Variants in JARID2 observed in about 807,000 individuals in gnomAD.
JARID2 encodes jumonji and AT-rich interaction domain containing 2, also known as protein Jumonji.
A neutral mutation model predicts 125.6 loss-of-function variants in JARID2; 21 were observed. That is an observed-to-expected ratio of 0.17 (90% CI 0.12 to 0.24). JARID2 has a LOEUF of 0.24. Among genes scored for constraint, JARID2 ranks in the 10% least tolerant of loss-of-function variants. JARID2 has a pLI of 1.00. For missense variants in JARID2, 1,303 were observed against 1,639.6 expected (o/e 0.79, Z 3.55); for synonymous variants, 736 against 661.6 (o/e 1.11, Z -1.73).
At chr6:15,467,941 CTTTA>C (rs1768821202) in intron 4 of JARID2, among the ~76,000 whole-genome samples, 1 of 152,036 alleles carries the variant, frequency 6.6e-6, no homozygotes, top group African/African-American at 2.4e-5. Flanking sequence ...AGGTTTATTT[CTTTA>C]TTTTTTATTT....
chr6:15,370,330 GTTTTT>G (rs33981169), intron 1 of JARID2, among the ~76,000 whole-genome samples: 29 of 114,260 alleles, frequency 2.5e-4, no homozygotes, highest in African/African-American at 7.2e-4. Flanking sequence ...TATCTGGGCT[GTTTTT>G]TTTTTTTTTT....
At chr6:15,322,474 TGTGCTTTTAA>T (rs1416976138) in intron 1 of JARID2, among the ~76,000 whole-genome samples, 1 of 152,234 alleles carries the variant, frequency 6.6e-6, no homozygotes, top group Admixed American at 6.5e-5. Context: ...TGGCTAGGTG[TGTGCTTTTAA>T]GTAACATTCT....
chr6:15,286,854 T>G (rs569829665), intron 1 of JARID2, among the ~76,000 whole-genome samples: 27 of 138,728 alleles, frequency 1.9e-4, no homozygotes, highest in African/African-American at 6.8e-4. Context: ...AGAGCGAGAC[T>G]CCATCTCAAA....
intron 2 of JARID2, among the ~76,000 whole-genome samples, chr6:15,383,418 A>T (rs2127531031): frequency 6.6e-6 from 1 of 151,874 alleles, no homozygotes; most frequent in East Asian, 1.9e-4. Flanking sequence ...TCCCTCCTTC[A>T]TCATTTACCT....
intron 1 of JARID2, among the ~76,000 whole-genome samples, chr6:15,326,499 TTAA>T (rs1762538837): frequency 6.6e-6 from 1 of 152,146 alleles, no homozygotes; most frequent in Non-Finnish European, 1.5e-5. Context: ...CCTGTCAGTA[TTAA>T]TGTTTTTATT....
At chr6:15,476,374 G>T (rs2064098) in intron 5 of JARID2, among the ~76,000 whole-genome samples, 120,233 of 152,114 alleles carry the variant, frequency 0.79, 47,578 homozygotes, top group African/African-American at 0.83. Flanking sequence ...GAGGTGGCAG[G>T]AGAGGACACA....
intron 13 of JARID2, 78 bp from the exon 14 acceptor site, chr6:15,512,130 G>A (rs1410863624): frequency 1.2e-5 from 15 of 1,224,610 alleles, no homozygotes; most frequent in Non-Finnish European, 1.7e-5. Flanking sequence ...GCCTCTTAGG[G>A]TGCGCATACG....
rs183693433 is a variant in JARID2 at position 15,285,860 on chromosome 6, G to T, written c.45+39276G>T. Among the ~76,000 whole-genome samples the T allele has an allele frequency of 1.1e-3, 156 of 148,256 alleles. 1 individual carries two copies. The highest frequency in any genetic ancestry group is 3.3e-3 in the African/African-American group (138 of 41,306). ...AATCTTGTATAAAGGAATTTTGCTG[G>T]CATAAAACATGCATTATGTATCACA... On this transcript the variant is annotated intron_variant, in intron 1 of 17. Coordinates refer to ENST00000341776, the MANE Select transcript of JARID2 (RefSeq NM_004973.4).
intron 17 of JARID2, among the ~76,000 whole-genome samples, chr6:15,519,070 G>A (rs899570678): frequency 7.2e-5 from 11 of 152,170 alleles, no homozygotes; most frequent in Admixed American, 2.0e-4. Flanking sequence ...GCCTGCCGCC[G>A]AGCCTAGTGT....
intron 1 of JARID2, among the ~76,000 whole-genome samples, chr6:15,279,255 G>C (rs1249049975): frequency 6.6e-6 from 1 of 152,108 alleles, no homozygotes; most frequent in East Asian, 1.9e-4. Flanking sequence ...GATTTAAATT[G>C]GTCGAAGGTT....
At chr6:15,263,694 G>T (rs370884076) in intron 1 of JARID2, among the ~76,000 whole-genome samples, 2 of 151,102 alleles carry the variant, frequency 1.3e-5, no homozygotes, top group East Asian at 2.0e-4. Context: ...CCGGATTCAA[G>T]TGATTCTCCT....
At chr6:15,283,824 G>A (rs1231630177) in intron 1 of JARID2, among the ~76,000 whole-genome samples, 1 of 151,096 alleles carries the variant, frequency 6.6e-6, no homozygotes, top group African/African-American at 2.4e-5. Context: ...TCCTGCCTCA[G>A]CTTCCTGAGT....
At chr6:15,343,448 G>T (rs1763139802) in intron 1 of JARID2, among the ~76,000 whole-genome samples, 1 of 152,108 alleles carries the variant, frequency 6.6e-6, no homozygotes, top group South Asian at 2.1e-4. Context: ...TACAATGATG[G>T]TGAATATCCC....
chr6:15,288,572 A>G (rs1761089701), intron 1 of JARID2, among the ~76,000 whole-genome samples: 1 of 152,222 alleles, frequency 6.6e-6, no homozygotes, highest in African/African-American at 2.4e-5. Context: ...AAGATCCACA[A>G]GGGTGGGATT....
At chr6:15,286,589 G>A (rs1239097523) in intron 1 of JARID2, among the ~76,000 whole-genome samples, 1 of 151,670 alleles carries the variant, frequency 6.6e-6, no homozygotes, top group Non-Finnish European at 1.5e-5. Flanking sequence ...GGCAGAGCGT[G>A]GTGGCTCACG....
At chr6:15,511,831 T>C (rs1176338725) in intron 13 of JARID2, among the ~76,000 whole-genome samples, 3 of 152,130 alleles carry the variant, frequency 2.0e-5, no homozygotes, top group Non-Finnish European at 4.4e-5. Flanking sequence ...CGCCTGTCCA[T>C]CTTAGAGAAG....
intron 5 of JARID2, among the ~76,000 whole-genome samples, chr6:15,487,035 C>T (rs1227267059): frequency 6.6e-6 from 1 of 152,090 alleles, no homozygotes; most frequent in Admixed American, 6.5e-5. Flanking sequence ...GGAAGCAAAG[C>T]ACTTCTTATA....
intron 1 of JARID2, among the ~76,000 whole-genome samples, chr6:15,290,971 TG>T (rs34378251): frequency 0.13 from 19,074 of 152,122 alleles, 1,209 homozygotes; most frequent in Non-Finnish European, 0.13. Context: ...CCAGGTGCTG[TG>T]TGTAAGCCCA....
At chr6:15,501,961 T>G (rs1770759487) in intron 8 of JARID2, among the ~76,000 whole-genome samples, 1 of 152,196 alleles carries the variant, frequency 6.6e-6, no homozygotes, top group African/African-American at 2.4e-5. Flanking sequence ...GTCAGTGGAC[T>G]CTGTGCGCTT....
Sources: gnomAD v4.1 joint callset for allele counts (sites outside exome capture counted in the v4.1 genomes callset) on GRCh38, gnomAD v4.1.1 for gene constraint, MANE v1.5 for transcripts, NCBI Gene and HGNC (gene_info 2026-07-23, HGNC 2026-07-21) for gene names.